The following SNCAIP variants were observed in gnomAD, a reference collection of about 807,000 sequenced individuals.
The protein encoded by SNCAIP is synuclein alpha interacting protein, also known as synphilin-1.
Under a neutral mutation model 86.7 loss-of-function variants are expected in SNCAIP, and 43 were observed. That is an observed-to-expected ratio of 0.50 (90% CI 0.39 to 0.64). The LOEUF (loss-of-function observed/expected upper bound fraction) is 0.64. Ranked by LOEUF, SNCAIP falls within the 30% of genes least tolerant of loss-of-function variation. The probability of loss-of-function intolerance (pLI) is 0.00; values close to 1 mark genes in which losing one functional copy is unlikely to be tolerated. For missense variants in SNCAIP, 981 were observed against 1,103.1 expected (o/e 0.89, Z 1.57); for synonymous variants, 417 against 427.2 (o/e 0.98, Z 0.29).
intron 1 of SNCAIP, among the ~76,000 whole-genome samples, chr5:122,349,126 A>G (rs571659421): frequency 1.3e-5 from 2 of 152,298 alleles, no homozygotes; most frequent in South Asian, 4.2e-4. Flanking sequence ...ATCACAATTA[A>G]TTAGGAATAG....
chr5:122,372,401 T>G (rs1764460507), intron 1 of SNCAIP, among the ~76,000 whole-genome samples: 1 of 152,186 alleles, frequency 6.6e-6, no homozygotes. Flanking sequence ...CTGTTCAAGT[T>G]GTTGCCACTC....
rs534903089 is a variant in SNCAIP, at chr5:122,358,582, C to T, written c.-46-32507C>T. Among the ~76,000 whole-genome samples the T allele has an allele frequency of 2.6e-5, 4 of 152,116 alleles. No individual in the cohort carries two copies. In the East Asian group the frequency reaches 5.8e-4, roughly 22 times the overall value. On this transcript the variant is annotated intron_variant, in intron 1 of 10. Coordinates refer to ENST00000261368, the MANE Select transcript of SNCAIP (RefSeq NM_005460.4). ...ATAAGCCCTTTTCCTTCCTCTGTAT[C>T]CACTGTGTATGCACAAGATTTTTGC...
In SNCAIP at chr5:122,347,137, G is replaced by A. The variant is rs12515767; in HGVS notation, c.-47+34853G>A. Among the ~76,000 whole-genome samples, 1,138 of 152,182 alleles carry A rather than the reference G, an allele frequency of 7.5e-3. 30 individuals are homozygous for A. Among genetic ancestry groups the A allele is most frequent in the Admixed American group, 0.033 (497 of 15,272 alleles). ...TTAATGTAACTGGAACAAAAAACATGTGCTTCAGTAGAACCTTCAAGAATC... is the reference window on the plus strand; with the variant it reads ...TTAATGTAACTGGAACAAAAAACATATGCTTCAGTAGAACCTTCAAGAATC... On this transcript the variant is annotated intron_variant, in intron 1 of 10. Coordinates refer to ENST00000261368, the MANE Select transcript of SNCAIP (RefSeq NM_005460.4).
At chr5:122,441,537 TAGAGAG>T (rs1400844981) in intron 7 of SNCAIP, among the ~76,000 whole-genome samples, 2 of 152,134 alleles carry the variant, frequency 1.3e-5, no homozygotes, top group Non-Finnish European at 2.9e-5. Flanking sequence ...GAAAGCTCCC[TAGAGAG>T]TGTAGGGTTC....
intron 3 of SNCAIP, among the ~76,000 whole-genome samples, chr5:122,408,690 C>T (rs1044156087): frequency 6.6e-6 from 1 of 152,126 alleles, no homozygotes; most frequent in African/African-American, 2.4e-5. Flanking sequence ...GGAGATGCCA[C>T]AAGGTGGGAA....
At chr5:122,325,017 C>T (rs935958157) in intron 1 of SNCAIP, among the ~76,000 whole-genome samples, 9 of 152,132 alleles carry the variant, frequency 5.9e-5, no homozygotes, top group Admixed American at 3.9e-4. Context: ...CCTGGCTCAG[C>T]GGCTTACTGT....
chr5:122,445,753 T>G (rs949739158), intron 8 of SNCAIP, among the ~76,000 whole-genome samples: 4 of 150,284 alleles, frequency 2.7e-5, no homozygotes, highest in Non-Finnish European at 4.4e-5. Context: ...TTGGTTTTTT[T>G]CACCCAACCT....
chr5:122,326,606 C>CTTTTTTTTTTTTTTTT (rs11297385), intron 1 of SNCAIP, among the ~76,000 whole-genome samples: 1 of 42,110 alleles, frequency 2.4e-5, no homozygotes. Flanking sequence ...GAAATGTCTC[C>CTTTTTTTTTTTTTTTT]TTTTTTTTTT....
At chr5:122,391,219 T>G (rs888670218) in intron 2 of SNCAIP, 28 bp downstream of exon 2, 1 of 1,509,802 alleles carries the variant, frequency 6.6e-7, no homozygotes, top group African/African-American at 1.4e-5. Context: ...CAAGAAATGC[T>G]TTCAAGATAA....
chr5:122,362,996 T>C (rs1326396670), intron 1 of SNCAIP, among the ~76,000 whole-genome samples: 6 of 148,500 alleles, frequency 4.0e-5, no homozygotes, highest in African/African-American at 1.5e-4. Flanking sequence ...AAATTCTATT[T>C]TTTTTTTTTT....
chr5:122,375,740 G>GAA (rs202026519), intron 1 of SNCAIP, among the ~76,000 whole-genome samples: 3 of 151,284 alleles, frequency 2.0e-5, no homozygotes, highest in African/African-American at 7.3e-5. Context: ...ACAACAAATT[G>GAA]AAAAAAAATA....
intron 2 of SNCAIP, among the ~76,000 whole-genome samples, chr5:122,396,304 T>C (rs1414183436): frequency 6.6e-6 from 1 of 152,160 alleles, no homozygotes; most frequent in African/African-American, 2.4e-5. Context: ...CTATTGTTAG[T>C]GTTAGACCCC....
chr5:122,331,509 C>T (rs1467912313), intron 1 of SNCAIP, among the ~76,000 whole-genome samples: 1 of 152,084 alleles, frequency 6.6e-6, no homozygotes, highest in East Asian at 1.9e-4. Flanking sequence ...ATTTAATGAC[C>T]TTCCTAGTTT....
rs141094552 is a variant in SNCAIP at position 122,372,884 on chromosome 5, A to G, written c.-46-18205A>G. Among the ~76,000 whole-genome samples, 150 of 150,714 alleles carry G rather than the reference A, an allele frequency of 1.0e-3. 1 individual carries two copies. Among genetic ancestry groups the G allele is most frequent in the African/African-American group, 3.6e-3 (148 of 40,944 alleles). On this transcript the variant is annotated intron_variant, in intron 1 of 10. Coordinates refer to ENST00000261368, the MANE Select transcript of SNCAIP (RefSeq NM_005460.4). ...AGAAGTATTTTCCACCATCTTTTGTATTTCTAACATCCCTACAAGATCATC... is the reference window on the plus strand; with the variant it reads ...AGAAGTATTTTCCACCATCTTTTGTGTTTCTAACATCCCTACAAGATCATC...
chr5:122,428,094 A>C (rs1454454323), intron 5 of SNCAIP, among the ~76,000 whole-genome samples: 2 of 152,212 alleles, frequency 1.3e-5, no homozygotes, highest in Non-Finnish European at 2.9e-5. Flanking sequence ...GGACAGAAGA[A>C]GTAATTATTT....
In SNCAIP at chr5:122,449,976, C is replaced by A. The variant is rs79118075; in HGVS notation, c.1685+39C>A. On this transcript the variant is annotated intron_variant, in intron 9 of 10. Coordinates refer to ENST00000261368, the MANE Select transcript of SNCAIP (RefSeq NM_005460.4). ...ATTGTTGTTTAGCATTCTTAAGTAT[C>A]CTAAATTGTTAAGCCTTCTTCTGAA... 2.9e-3 allele frequency: 3,906 copies of A among 1,366,764 alleles called. 88 individuals are homozygous for A. The African/African-American group carries it at 0.048, about 17-fold the overall frequency. 84.7% of individuals were successfully genotyped at this position (1,366,764 alleles called of 1,614,324 possible).
intron 10 of SNCAIP, among the ~76,000 whole-genome samples, chr5:122,455,819 G>A (rs373428224): frequency 1.3e-5 from 2 of 152,002 alleles, no homozygotes; most frequent in East Asian, 3.8e-4. Flanking sequence ...TCTTTTCAAT[G>A]CCCTTTAAAA....
intron 6 of SNCAIP, chr5:122,436,903 G>A (rs1779609899): frequency 1.3e-5 from 2 of 152,160 alleles, no homozygotes; most frequent in Admixed American, 1.3e-4. Flanking sequence ...CCCCAGAAGA[G>A]GAAACTGCTG....
At chr5:122,402,231 T>A (rs1055189621) in intron 2 of SNCAIP, among the ~76,000 whole-genome samples, 1 of 151,964 alleles carries the variant, frequency 6.6e-6, no homozygotes, top group Non-Finnish European at 1.5e-5. Context: ...GCTACCAGAG[T>A]CCTTAGAGAG....
Sources: gnomAD v4.1 joint callset for allele counts (sites outside exome capture counted in the v4.1 genomes callset) on GRCh38, gnomAD v4.1.1 for gene constraint, MANE v1.5 for transcripts, NCBI Gene and HGNC (gene_info 2026-07-23, HGNC 2026-07-21) for gene names.